SPPL3: variants seen among roughly 807,000 people sequenced by gnomAD.
The protein encoded by SPPL3 is signal peptide peptidase like 3.
Under a neutral mutation model 42.4 loss-of-function variants are expected in SPPL3, and 5 were observed. The ratio of observed to expected loss-of-function variants is 0.12; its 90% CI spans 0.06 to 0.25. The LOEUF is 0.25. Among genes scored for constraint, SPPL3 ranks in the 10% least tolerant of loss-of-function variants. The probability of loss-of-function intolerance (pLI) is 1.00; values close to 1 mark genes in which losing one functional copy is unlikely to be tolerated. For synonymous variants in SPPL3, 195 were observed against 181.8 expected, an observed-to-expected ratio of 1.07 and a Z score of -0.58; for missense variants, 235 against 489.0, an observed-to-expected ratio of 0.48 and a Z score of 4.90.
At chr12:120,785,491 G>T (rs1442323392) in intron 3 of SPPL3, among the ~76,000 whole-genome samples, 1 of 151,920 alleles carries the variant, frequency 6.6e-6, no homozygotes, top group African/African-American at 2.4e-5. Context: ...TGCATCTAGG[G>T]TTGAGAACCA....
At chr12:120,864,519 C>A (rs1593002093) in intron 1 of SPPL3, among the ~76,000 whole-genome samples, 1 of 152,072 alleles carries the variant, frequency 6.6e-6, no homozygotes, top group Admixed American at 6.6e-5. Context: ...CAGACAAGAA[C>A]GAAACCCCAT....
chr12:120,807,222 C>G (rs550260431), intron 2 of SPPL3, among the ~76,000 whole-genome samples: 2 of 152,122 alleles, frequency 1.3e-5, no homozygotes, highest in Admixed American at 6.5e-5. Context: ...TATGAGATAC[C>G]ACTTCACACC....
rs58246859 is a variant in SPPL3 at position 120,853,983 on chromosome 12, T to TACACACACACACACAC, written c.24-43113_24-43098dup. Among the ~76,000 whole-genome samples, 291 of 130,298 alleles carry TACACACACACACACAC rather than the reference T, an allele frequency of 2.2e-3. 2 individuals are homozygous for TACACACACACACACAC. The highest frequency in any genetic ancestry group is 5.8e-3 in the African/African-American group (196 of 33,668). The allele number at this position is 130,298 out of a possible 152,430, so 85.5% of individuals were successfully genotyped here. ...CACCACCACCACACACACGCACACA[T>TACACACACACACACAC]ACACACACACACACACACACACACA... is the stretch of plus-strand genomic sequence containing the variant. On this transcript the variant is annotated intron_variant, in intron 1 of 10. Transcript: ENST00000353487.
intron 3 of SPPL3, among the ~76,000 whole-genome samples, chr12:120,786,525 G>C (rs1342615892): frequency 6.6e-6 from 1 of 152,172 alleles, no homozygotes; most frequent in Non-Finnish European, 1.5e-5. Flanking sequence ...AATAAAGACT[G>C]TAGTGGTGAG....
At chr12:120,848,603 A>G (rs1376530535) in intron 1 of SPPL3, among the ~76,000 whole-genome samples, 1 of 152,182 alleles carries the variant, frequency 6.6e-6, no homozygotes, top group African/African-American at 2.4e-5. Flanking sequence ...TATTTTAGTC[A>G]TCTGCATATT....
At chr12:120,854,745 A>C (rs1462235949) in intron 1 of SPPL3, among the ~76,000 whole-genome samples, 1 of 152,154 alleles carries the variant, frequency 6.6e-6, no homozygotes, top group Non-Finnish European at 1.5e-5. Context: ...GAAGTTACAA[A>C]CCTTTCCAAA....
At chr12:120,903,744 C>CA in intron 1 of SPPL3, 101 bp downstream of exon 1, 1 of 711,002 alleles carries the variant, frequency 1.4e-6, no homozygotes, top group Non-Finnish European at 2.1e-6. Flanking sequence ...CCCCCCCCCA[C>CA]GACACGCACC....
At chr12:120,792,703 A>C (rs1289776823) in intron 2 of SPPL3, among the ~76,000 whole-genome samples, 1 of 148,302 alleles carries the variant, frequency 6.7e-6, no homozygotes, top group African/African-American at 2.4e-5. Context: ...TCTCAAAAAA[A>C]AAAAAAAAAA....
chr12:120,898,128 A>G (rs1450638856), intron 1 of SPPL3, among the ~76,000 whole-genome samples: 1 of 151,678 alleles, frequency 6.6e-6, no homozygotes, highest in Non-Finnish European at 1.5e-5. Flanking sequence ...CCTGGCCAAT[A>G]TGGCAAAACC....
At chr12:120,851,949 A>G (rs1200335653) in intron 1 of SPPL3, among the ~76,000 whole-genome samples, 1 of 152,220 alleles carries the variant, frequency 6.6e-6, no homozygotes, top group Non-Finnish European at 1.5e-5. Context: ...TTTCACAGCA[A>G]TGGCCAAAAT....
intron 2 of SPPL3, among the ~76,000 whole-genome samples, chr12:120,797,291 A>G (rs548591059): frequency 1.3e-5 from 2 of 152,002 alleles, no homozygotes; most frequent in African/African-American, 4.8e-5. Context: ...TATTAACTCT[A>G]GCTGCCTCTA....
At chr12:120,806,410 C>A (rs1246773408) in intron 2 of SPPL3, among the ~76,000 whole-genome samples, 1 of 151,984 alleles carries the variant, frequency 6.6e-6, no homozygotes, top group Non-Finnish European at 1.5e-5. Context: ...TAAGTATAGT[C>A]TTTTCATCAA....
At chr12:120,833,242 G>A (rs769023811) in intron 1 of SPPL3, among the ~76,000 whole-genome samples, 1 of 152,180 alleles carries the variant, frequency 6.6e-6, no homozygotes. Context: ...TGACAAAGAA[G>A]TGTGGGGCAT....
intron 1 of SPPL3, among the ~76,000 whole-genome samples, chr12:120,878,026 G>GAA (rs11389073): frequency 2.8e-5 from 4 of 142,736 alleles, no homozygotes; most frequent in Non-Finnish European, 4.5e-5. Context: ...TCTTAAAAAA[G>GAA]AAAAAAAAAT....
At chr12:120,895,602 T>C (rs148609669) in intron 1 of SPPL3, among the ~76,000 whole-genome samples, 18 of 152,358 alleles carry the variant, frequency 1.2e-4, no homozygotes, top group African/African-American at 3.6e-4. Flanking sequence ...GCTGGCTAAA[T>C]TGTGAAACAA....
intron 6 of SPPL3, among the ~76,000 whole-genome samples, chr12:120,781,734 C>T (rs1202005045): frequency 2.6e-5 from 4 of 151,232 alleles, no homozygotes; most frequent in Non-Finnish European, 5.9e-5. Context: ...TGCCTACCAC[C>T]ACTCCCAGCT....
chr12:120,819,765 A>G (rs772456898), intron 1 of SPPL3, among the ~76,000 whole-genome samples: 9 of 152,160 alleles, frequency 5.9e-5, no homozygotes, highest in Non-Finnish European at 1.2e-4. Context: ...AAGGGTTAAA[A>G]CTTAACAAAA....
intron 1 of SPPL3, among the ~76,000 whole-genome samples, chr12:120,833,355 A>C (rs1871492991): frequency 6.6e-6 from 1 of 152,204 alleles, no homozygotes; most frequent in Non-Finnish European, 1.5e-5. Flanking sequence ...CAGGCCTTAA[A>C]AAGGAGACAG....
intron 6 of SPPL3, among the ~76,000 whole-genome samples, chr12:120,774,265 TTCCC>T (rs1250439431): frequency 1.3e-5 from 2 of 152,172 alleles, no homozygotes; most frequent in Non-Finnish European, 2.9e-5. Context: ...TGTGTCTCCT[TTCCC>T]TCCCTCCCTC....
Sources: allele counts gnomAD v4.1 joint callset (sites outside exome capture counted in the v4.1 genomes callset), GRCh38; gene constraint gnomAD v4.1.1; transcripts MANE v1.5; gene names NCBI Gene and HGNC (gene_info 2026-07-23, HGNC 2026-07-21).